The following RARB variants were observed in gnomAD, a reference collection of about 807,000 sequenced individuals.
The protein encoded by RARB is HBV-activated protein.
In RARB, 17 loss-of-function variants were observed where a neutral mutation model predicts 51.9. The ratio of observed to expected loss-of-function variants is 0.33; its 90% CI spans 0.22 to 0.49. The LOEUF is 0.49. Ranked by LOEUF, RARB falls within the 20% of genes least tolerant of loss-of-function variation. The pLI, the probability that RARB is intolerant of heterozygous loss-of-function variation, is 0.99. For missense variants in RARB, 369 were observed against 550.8 expected (o/e 0.67, Z 3.30); for synonymous variants, 215 against 195.4 (o/e 1.10, Z -0.84).
At chr3:25,270,120 A>G (rs1375618243) in intron 5 of RARB, among the ~76,000 whole-genome samples, 2 of 152,206 alleles carry the variant, frequency 1.3e-5, no homozygotes, top group African/African-American at 4.8e-5. Flanking sequence ...TATTAAAAAT[A>G]GAATCACATA....
At chr3:25,235,747 A>C (rs1250266538) in intron 5 of RARB, among the ~76,000 whole-genome samples, 1 of 152,200 alleles carries the variant, frequency 6.6e-6, no homozygotes, top group Non-Finnish European at 1.5e-5. Context: ...AACACAGGAG[A>C]TGGAAAGGCT....
rs73149249 is a variant in RARB, at chr3:25,229,398, A to C, written c.178+54823A>C. Among the ~76,000 whole-genome samples, 1,056 of 152,274 alleles carry C rather than the reference A, an allele frequency of 6.9e-3. 13 individuals carry two copies. Among genetic ancestry groups the C allele is most frequent in the African/African-American group, 0.024 (1,004 of 41,566 alleles). On this transcript the variant is annotated intron_variant, in intron 5 of 11. Transcript: ENST00000383772. ...CTAAATTGAATTTGATAAGTACAAA[A>C]AAGTTTTAAAATTCTTTCTCAAATT...
chr3:24,962,976 A>G (rs750531647), intron 2 of RARB, among the ~76,000 whole-genome samples: 3 of 152,122 alleles, frequency 2.0e-5, no homozygotes, highest in Non-Finnish European at 1.5e-5. Context: ...TCCATAATTT[A>G]ATCCCTTCAG....
At position 25,580,679 on chromosome 3, in the gene RARB, C is replaced by T. The variant is rs766542632; in HGVS notation, c.743C>T (p.Ala248Val). Reference protein sequence around the residue: ...RLPGFTGLTIADQITLLKAAC... With the variant: ...RLPGFTGLTIVDQITLLKAAC... Reference sequence around the variant, plus strand: ...CCTGGTTTCACTGGCTTGACCATCGCAGACCAAATTACCCTGCTGAAGGCC... The same window carrying T: ...CCTGGTTTCACTGGCTTGACCATCGTAGACCAAATTACCCTGCTGAAGGCC... Residue 248 changes from alanine (A) to valine (V), a missense_variant, in exon 5 of 8, where the codon GCA becomes GTA. Physicochemically the swap from Ala to Val is moderately conservative, Grantham distance 64 (BLOSUM62 0). Around this residue, in one of 9 missense-constraint regions of RARB, gnomAD observed 49 missense variants for 103.4 expected, o/e 0.47. Coordinates refer to ENST00000330688, the MANE Select transcript of RARB (RefSeq NM_000965.5). 1.9e-6 allele frequency: 3 copies of T among 1,611,618 alleles called. No homozygotes were observed. In the Admixed American group the frequency reaches 5.0e-5, roughly 27 times the overall value.
intron 3 of RARB, among the ~76,000 whole-genome samples, chr3:25,527,273 C>T: frequency 6.6e-6 from 1 of 152,326 alleles, no homozygotes; most frequent in African/African-American, 2.4e-5. Context: ...ATTTGCAGCT[C>T]TGCAGGCAAC....
intron 4 of RARB, among the ~76,000 whole-genome samples, chr3:25,169,843 C>A (rs1700613719): frequency 6.6e-6 from 1 of 151,914 alleles, no homozygotes; most frequent in South Asian, 2.1e-4. Flanking sequence ...CAAAAATTAG[C>A]TGGGCCTGGT....
chr3:25,156,335 T>C (rs1700373327), intron 4 of RARB, among the ~76,000 whole-genome samples: 2 of 151,974 alleles, frequency 1.3e-5, no homozygotes, highest in South Asian at 4.1e-4. Flanking sequence ...GTGCTAATAG[T>C]TGTGGAATCT....
At chr3:25,158,177 C>A (rs1375929723) in intron 4 of RARB, among the ~76,000 whole-genome samples, 2 of 152,210 alleles carry the variant, frequency 1.3e-5, no homozygotes, top group East Asian at 1.9e-4. Flanking sequence ...TGTTTCCTTA[C>A]AAACTTTCCT....
intron 3 of RARB, among the ~76,000 whole-genome samples, chr3:25,116,702 C>G (rs1193534300): frequency 6.6e-6 from 1 of 151,944 alleles, no homozygotes; most frequent in Non-Finnish European, 1.5e-5. Context: ...TTTGAATTAC[C>G]TGGCAGTTAC....
At chr3:25,142,716 G>A (rs1700128335) in intron 4 of RARB, among the ~76,000 whole-genome samples, 2 of 152,080 alleles carry the variant, frequency 1.3e-5, no homozygotes, top group South Asian at 4.1e-4. Flanking sequence ...TTTTGAAGGG[G>A]AAATGCTGCC....
chr3:25,218,904 A>G (rs1020927669), intron 5 of RARB, among the ~76,000 whole-genome samples: 8 of 152,168 alleles, frequency 5.3e-5, no homozygotes, highest in Admixed American at 2.6e-4. Context: ...GCTTCCATTT[A>G]TCTCAGAGCA....
rs750483330 is a variant in RARB at position 25,593,485 on chromosome 3, A to AT, written c.787-9dup. 1.4e-4 allele frequency: 228 copies of AT among 1,580,606 alleles called. No individual in the cohort carries two copies. The highest frequency in any genetic ancestry group is 1.6e-4 in the Non-Finnish European group (183 of 1,152,124). On this transcript the variant is annotated splice_polypyrimidine_tract_variant and intron_variant, in intron 5 of 7. Coordinates refer to ENST00000330688, the MANE Select transcript of RARB (RefSeq NM_000965.5). Reference sequence around the variant, plus strand: ...ACAGGATGGCTTAGAACATCCATCAATTTTTTTTTCCTTCCAGATTCTTAG... The same window carrying AT: ...ACAGGATGGCTTAGAACATCCATCAATTTTTTTTTTCCTTCCAGATTCTTAG...
chr3:25,230,598 A>G (rs1702154174), intron 5 of RARB, among the ~76,000 whole-genome samples: 1 of 152,146 alleles, frequency 6.6e-6, no homozygotes, highest in Non-Finnish European at 1.5e-5. Context: ...AGTATTCACG[A>G]TGTGTCAGGC....
intron 5 of RARB, among the ~76,000 whole-genome samples, chr3:25,313,389 A>G (rs1355361334): frequency 6.6e-6 from 1 of 152,204 alleles, no homozygotes; most frequent in Non-Finnish European, 1.5e-5. Context: ...TTCAAAATTC[A>G]TTATCAGTAC....
chr3:24,947,867 T>A (rs1239635993), intron 2 of RARB, among the ~76,000 whole-genome samples: 3 of 152,188 alleles, frequency 2.0e-5, no homozygotes, highest in African/African-American at 2.4e-5. Flanking sequence ...TTTCTCTTCA[T>A]ATCTGTAAAA....
intron 2 of RARB, among the ~76,000 whole-genome samples, chr3:25,028,542 G>A (rs571888508): frequency 6.6e-6 from 1 of 152,286 alleles, no homozygotes; most frequent in East Asian, 1.9e-4. Flanking sequence ...ACTAGGGAGA[G>A]AAGCATGTTA....
intron 5 of RARB, among the ~76,000 whole-genome samples, chr3:25,309,072 T>C (rs1207043761): frequency 6.6e-6 from 1 of 152,012 alleles, no homozygotes; most frequent in East Asian, 1.9e-4. Context: ...AGTACCTTGC[T>C]GATTTCCCTT....
At chr3:25,518,905 G>T (rs534125503) in intron 3 of RARB, among the ~76,000 whole-genome samples, 3 of 152,228 alleles carry the variant, frequency 2.0e-5, no homozygotes, top group Non-Finnish European at 2.9e-5. Flanking sequence ...AAGGAAGCAT[G>T]GGGGAGCTTT....
intron 2 of RARB, among the ~76,000 whole-genome samples, chr3:24,891,000 T>A (rs1439992947): frequency 6.6e-6 from 1 of 152,182 alleles, no homozygotes; most frequent in Non-Finnish European, 1.5e-5. Flanking sequence ...TAAGCCATGG[T>A]GCAGCATTTG....
Sources: gnomAD v4.1 joint callset for allele counts (sites outside exome capture counted in the v4.1 genomes callset) on GRCh38, gnomAD v4.1.1 for gene constraint, gnomAD v4.1.1 regional missense constraint, MANE v1.5 for transcripts, NCBI Gene and HGNC (gene_info 2026-07-23, HGNC 2026-07-21) for gene names.